COL13A1: variants seen among roughly 807,000 people sequenced by gnomAD.
The protein encoded by COL13A1 is collagen type XIII alpha 1 chain.
A neutral mutation model predicts 130.9 loss-of-function variants in COL13A1; 89 were observed. The observed-to-expected ratio is 0.68, with a 90% CI of 0.57 to 0.81. The LOEUF (loss-of-function observed/expected upper bound fraction) is 0.81, where lower values mean the gene tolerates loss of function less well. Ranked by LOEUF, COL13A1 falls within the 30% of genes least tolerant of loss-of-function variation. The probability of loss-of-function intolerance (pLI) is 0.00; values close to 1 mark genes in which losing one functional copy is unlikely to be tolerated. For missense variants in COL13A1, 879 were observed against 934.6 expected, an observed-to-expected ratio of 0.94 and a Z score of 0.78; for synonymous variants, 402 against 341.6, an observed-to-expected ratio of 1.18 and a Z score of -1.95.
chr10:69,864,337 T>C (rs200914175), intron 2 of COL13A1, among the ~76,000 whole-genome samples: 7 of 151,876 alleles, frequency 4.6e-5, no homozygotes, highest in Admixed American at 4.6e-4. Context: ...AATGAAGGAA[T>C]GAAAAAATGA....
intron 31 of COL13A1, among the ~76,000 whole-genome samples, chr10:69,933,276 T>C (rs2066400253): frequency 6.6e-6 from 1 of 151,876 alleles, no homozygotes; most frequent in African/African-American, 2.4e-5. Context: ...GGCAGAGTCT[T>C]GACGGCTTTG....
At chr10:69,919,612 C>G (rs1462817647) in intron 20 of COL13A1, 53 bp from the exon 21 acceptor site, 1 of 398,722 alleles carries the variant, frequency 2.5e-6, no homozygotes, top group African/African-American at 2.1e-5. Context: ...CCATCCTACC[C>G]CTCACTGCCT....
At chr10:69,867,750 C>A in intron 2 of COL13A1, 48 bp from the exon 3 acceptor site, 1 of 717,676 alleles carries the variant, frequency 1.4e-6, no homozygotes, top group South Asian at 1.5e-5. Context: ...TCCCCACCGC[C>A]CCCTACAGCA....
rs570379021 is a variant in COL13A1 at position 69,906,165 on chromosome 10, G to A, written c.921+343G>A. Among the ~76,000 whole-genome samples, 3 of 152,326 alleles carry A rather than the reference G, an allele frequency of 2.0e-5. No homozygotes were observed. In the East Asian group the frequency reaches 5.8e-4, roughly 29 times the overall value. ...AAGGCACTGCACGATTACAGGAGGT[G>A]GAGAGACAAATTTCAGGTTGAGAGA... On this transcript the variant is annotated intron_variant, in intron 17 of 40. Coordinates refer to ENST00000645393, the MANE Select transcript of COL13A1 (RefSeq NM_001368882.1).
intron 7 of COL13A1, among the ~76,000 whole-genome samples, chr10:69,882,071 A>T (rs2060196657): frequency 6.6e-6 from 1 of 152,204 alleles, no homozygotes; most frequent in Admixed American, 6.5e-5. Flanking sequence ...GAGGTGCAGC[A>T]CCAATGCCCT....
At position 69,902,349 on chromosome 10, in the gene COL13A1, G is replaced by A. The variant is rs555246135; in HGVS notation, c.751-399G>A. On this transcript the variant is annotated intron_variant, in intron 14 of 40. Transcript: ENST00000645393. ...GAGAGACTGGGGCTTAGGGAGAACT[G>A]TGCCTCGCCACACAGGGAGGGTGAC... 2.6e-5 allele frequency among the ~76,000 whole-genome samples: 4 copies of A among 152,312 alleles called. No individual in the cohort carries two copies. The East Asian group carries it at 7.7e-4, about 29-fold the overall frequency.
intron 2 of COL13A1, among the ~76,000 whole-genome samples, chr10:69,840,873 G>A (rs139196799): frequency 4.6e-5 from 7 of 152,234 alleles, no homozygotes; most frequent in South Asian, 2.1e-4. Flanking sequence ...CCAACCCAGC[G>A]TTCCCCTGCC....
chr10:69,839,610 G>T (rs1433798068), intron 2 of COL13A1, among the ~76,000 whole-genome samples: 1 of 152,224 alleles, frequency 6.6e-6, no homozygotes, highest in Non-Finnish European at 1.5e-5. Context: ...ACTTGTCACA[G>T]CATAAAGCAC....
At chr10:69,894,783 TTTCAAAC>T in intron 12 of COL13A1, 82 bp downstream of exon 12, 1 of 1,570,218 alleles carries the variant, frequency 6.4e-7, no homozygotes, top group Non-Finnish European at 8.7e-7. Flanking sequence ...TTATGGTTAT[TTTCAAAC>T]TTCAGTTTTA....
At chr10:69,867,963 A>C (rs912534688) in intron 3 of COL13A1, among the ~76,000 whole-genome samples, 158 bp downstream of exon 3, 1 of 152,042 alleles carries the variant, frequency 6.6e-6, no homozygotes, top group Non-Finnish European at 1.5e-5. Context: ...TCTTGTGGGG[A>C]GGAGGCTACC....
chr10:69,827,896 C>T (rs1330726232), intron 2 of COL13A1, among the ~76,000 whole-genome samples: 2 of 152,094 alleles, frequency 1.3e-5, no homozygotes, highest in Non-Finnish European at 2.9e-5. Context: ...GCTGCAGCAG[C>T]GCAGACCCCG....
At chr10:69,942,309 A>G (rs115896434) in intron 35 of COL13A1, among the ~76,000 whole-genome samples, 1,841 of 152,268 alleles carry the variant, frequency 0.012, 40 homozygotes, top group African/African-American at 0.041. Context: ...CCTTACATGC[A>G]GAGAGCATGC....
intron 39 of COL13A1, among the ~76,000 whole-genome samples, chr10:69,954,710 AG>A (rs1232684346): frequency 5.3e-5 from 8 of 152,344 alleles, no homozygotes; most frequent in Non-Finnish European, 1.0e-4. Context: ...CGGATCCTAA[AG>A]GGTTTGTCCT....
intron 1 of COL13A1, among the ~76,000 whole-genome samples, chr10:69,814,851 G>A (rs1417976804): frequency 2.0e-5 from 3 of 152,232 alleles, no homozygotes; most frequent in African/African-American, 7.2e-5. Context: ...AAGGGAATAG[G>A]AGGCATGCAC....
intron 1 of COL13A1, among the ~76,000 whole-genome samples, chr10:69,813,682 G>T (rs1376413582): frequency 6.6e-6 from 1 of 152,160 alleles, no homozygotes; most frequent in East Asian, 1.9e-4. Flanking sequence ...GCCCATGCAA[G>T]TCCAGTTCTG....
intron 7 of COL13A1, among the ~76,000 whole-genome samples, chr10:69,887,230 C>A (rs1465135910): frequency 2.6e-5 from 4 of 152,182 alleles, no homozygotes; most frequent in Non-Finnish European, 1.5e-5. Flanking sequence ...AGGATGCTGG[C>A]CCCTTCCTGT....
intron 2 of COL13A1, chr10:69,829,206 C>T: frequency 1.0e-6 from 1 of 984,940 alleles, no homozygotes; most frequent in Non-Finnish European, 1.2e-6. Flanking sequence ...TCAATTTCCT[C>T]CACCTCCACC....
At chr10:69,860,957 A>T (rs1857886944) in intron 2 of COL13A1, among the ~76,000 whole-genome samples, 1 of 152,116 alleles carries the variant, frequency 6.6e-6, no homozygotes, top group African/African-American at 2.4e-5. Context: ...CGGGAAGGAG[A>T]GGAGGCTGGA....
intron 2 of COL13A1, among the ~76,000 whole-genome samples, chr10:69,850,562 G>A (rs982185836): frequency 2.0e-5 from 3 of 150,938 alleles, no homozygotes; most frequent in African/African-American, 7.3e-5. Flanking sequence ...AGAGGTCTCT[G>A]CCAGCCTGCT....
Sources: allele counts gnomAD v4.1 joint callset (sites outside exome capture counted in the v4.1 genomes callset), GRCh38; gene constraint gnomAD v4.1.1; transcripts MANE v1.5; gene names NCBI Gene and HGNC (gene_info 2026-07-23, HGNC 2026-07-21).